Variants in ZNF566 observed in about 807,000 individuals in gnomAD.
The protein encoded by ZNF566 is zinc finger protein 566.
In ZNF566, 27 loss-of-function variants were observed where a neutral mutation model predicts 32.8. The observed-to-expected ratio is 0.82, with a 90% CI of 0.61 to 1.14. The LOEUF is 1.14. Among genes scored for constraint, ZNF566 ranks in the 50% most tolerant of loss-of-function variants. The probability of loss-of-function intolerance (pLI) is 0.00; values close to 1 mark genes in which losing one functional copy is unlikely to be tolerated. For synonymous variants in ZNF566, 154 were observed against 159.5 expected (o/e 0.97, Z 0.26); for missense variants, 402 against 490.4 (o/e 0.82, Z 1.70).
At chr19:36,473,564 G>A in intron 2 of ZNF566, 106 bp from the exon 3 acceptor site, 1 of 1,034,472 alleles carries the variant, frequency 9.7e-7, no homozygotes, top group Non-Finnish European at 1.4e-6. Context: ...AATATAGTGA[G>A]CATATGAATG....
chr19:36,473,445 A>T lies in ZNF566; in HGVS notation c.23T>A (p.Phe8Tyr), dbSNP rs2033814340. ...AGAGAAGTCTACGGACACATCACTG[A>T]ACATCACTGACTCCTGGAACAATAA... Reference protein sequence around the residue: MAQESVMFSDVSVDFSQE... With the variant: MAQESVMYSDVSVDFSQE... The change falls in exon 3 of 5, where the codon TTC becomes TAC. Residue 8 changes from phenylalanine to tyrosine, a missense_variant. Phe to Tyr is a conservative substitution (Grantham distance 22). Coordinates refer to ENST00000452939, the MANE Select transcript of ZNF566 (RefSeq NM_001145344.1). 2 of 1,603,890 alleles carry T rather than the reference A, an allele frequency of 1.2e-6. No individual in the cohort carries two copies.
intron 4 of ZNF566, among the ~76,000 whole-genome samples, chr19:36,453,366 A>G (rs1448299957): frequency 6.6e-6 from 1 of 151,054 alleles, no homozygotes; most frequent in East Asian, 2.0e-4. Context: ...CCGGCTACTC[A>G]GGAGGCTGAG....
chr19:36,449,419 C>A lies in ZNF566; in HGVS notation c.815G>T (p.Arg272Leu). ...KAFSSGSNFT[R>L]HQRIHTGEKP... is the part of the protein sequence containing the mutation. ...CTCACCTGTGTGAATTCTCTGATGT[C>A]GAGTGAAGTTTGAACCACTACTAAA... The change falls in exon 5 of 5, where the codon CGA becomes CTA. Residue 272 changes from arginine (R) to leucine (L), a missense_variant. By Grantham distance (102) the Arg-to-Leu change is moderately radical. Coordinates refer to ENST00000452939, the MANE Select transcript of ZNF566 (RefSeq NM_001145344.1). The A allele has an allele frequency of 6.2e-7, 1 of 1,613,892 alleles. No individual in the cohort carries two copies. The highest frequency in any genetic ancestry group is 8.5e-7 in the Non-Finnish European group (1 of 1,179,982).
intron 1 of ZNF566, among the ~76,000 whole-genome samples, chr19:36,487,736 C>T (rs959964612): frequency 2.0e-5 from 3 of 151,750 alleles, no homozygotes; most frequent in Non-Finnish European, 1.5e-5. Context: ...CCTGTCTCTA[C>T]TAAAAATACA....
chr19:36,457,383 T>C (rs1297706190), intron 4 of ZNF566, among the ~76,000 whole-genome samples: 1 of 152,146 alleles, frequency 6.6e-6, no homozygotes, highest in African/African-American at 2.4e-5. Flanking sequence ...GAAGAGACTA[T>C]CCACAGAGTG....
chr19:36,479,451 G>C (rs375693344), intron 1 of ZNF566, among the ~76,000 whole-genome samples: 112 of 152,246 alleles, frequency 7.4e-4, no homozygotes, highest in African/African-American at 2.3e-3. Flanking sequence ...TTGGAAAATT[G>C]TTTAAAATGT....
chr19:36,489,446 C>G lies in ZNF566; in HGVS notation c.-60+40G>C, dbSNP rs546826220. The G allele has an allele frequency of 1.0e-5, 3 of 301,222 alleles. No homozygotes were observed. In the East Asian group the frequency reaches 3.0e-4, roughly 30 times the overall value. The allele number at this position is 301,222 out of a possible 1,614,324, so 18.7% of individuals were successfully genotyped here. A position where few individuals can be genotyped will look rare whatever the true frequency, so the allele number is the denominator to read the frequency against. ...CCGCACAAAGCCGAGGCTTGGCCCC[C>G]GGCCCCGCCCTCTCCCGGGTTTCTC... On this transcript the variant is annotated intron_variant, in intron 1 of 4. Coordinates refer to ENST00000452939, the MANE Select transcript of ZNF566 (RefSeq NM_001145344.1).
At chr19:36,462,956 CAAAAAAAAAAAAAAAAAAAA>C (rs755283751) in intron 4 of ZNF566, among the ~76,000 whole-genome samples, 83 of 38,564 alleles carry the variant, frequency 2.2e-3, no homozygotes, top group Middle Eastern at 0.071. Context: ...GACTCTGTCT[CAAAAAAAAAAAAAAAAAAAA>C]AAAAAAAAAA....
chr19:36,467,888 T>C (rs188515660), intron 4 of ZNF566, among the ~76,000 whole-genome samples: 10 of 142,954 alleles, frequency 7.0e-5, no homozygotes, highest in Non-Finnish European at 1.5e-5. Flanking sequence ...CACTAATTGA[T>C]AAAAATCAAA....
intron 4 of ZNF566, among the ~76,000 whole-genome samples, chr19:36,455,604 A>T (rs779460564): frequency 1.1e-4 from 16 of 151,956 alleles, no homozygotes; most frequent in Admixed American, 6.6e-4. Context: ...TAGCCGGGCA[A>T]TGGTGGGCAC....
chr19:36,458,073 A>G lies in ZNF566; in HGVS notation c.233-8072T>C, dbSNP rs1317259371. On this transcript the variant is annotated intron_variant, in intron 4 of 4. Coordinates refer to ENST00000452939, the MANE Select transcript of ZNF566 (RefSeq NM_001145344.1). ...CATGGAGGTTTCTCAAAACTACCCT[A>G]TAACTCAGCAAGCTTACTTCTGGGT... Among the ~76,000 whole-genome samples the G allele has an allele frequency of 2.6e-5, 4 of 152,206 alleles. No individual in the cohort carries two copies. In the East Asian group the frequency reaches 5.8e-4, roughly 22 times the overall value.
At chr19:36,475,205 C>A in intron 2 of ZNF566, among the ~76,000 whole-genome samples, 1 of 152,230 alleles carries the variant, frequency 6.6e-6, no homozygotes, top group Non-Finnish European at 1.5e-5. Context: ...ACCAACATGC[C>A]TGGCTAATTT....
intron 4 of ZNF566, among the ~76,000 whole-genome samples, chr19:36,464,563 A>C (rs1437018352): frequency 6.6e-6 from 1 of 152,142 alleles, no homozygotes; most frequent in Non-Finnish European, 1.5e-5. Context: ...GGAAACATAA[A>C]AATTCTTGGG....
chr19:36,453,893 G>A (rs1290815841), intron 4 of ZNF566, among the ~76,000 whole-genome samples: 2 of 152,024 alleles, frequency 1.3e-5, no homozygotes, highest in South Asian at 2.1e-4. Context: ...GCACAATCTC[G>A]GTTTGCTGCA....
At chr19:36,485,271 CAA>C (rs748231707) in intron 1 of ZNF566, among the ~76,000 whole-genome samples, 2 of 81,942 alleles carry the variant, frequency 2.4e-5, no homozygotes. Flanking sequence ...GCTATCTCTA[CAA>C]AAAAAAAAAA....
chr19:36,459,525 T>A (rs997302735), intron 4 of ZNF566, among the ~76,000 whole-genome samples: 1 of 150,924 alleles, frequency 6.6e-6, no homozygotes, highest in African/African-American at 2.4e-5. Flanking sequence ...TTACTTTTTT[T>A]TTTTGAGACA....
At chr19:36,478,831 C>A (rs186317166) in intron 1 of ZNF566, among the ~76,000 whole-genome samples, 81 of 152,218 alleles carry the variant, frequency 5.3e-4, no homozygotes, top group Non-Finnish European at 1.0e-3. Flanking sequence ...GAGATAAGAG[C>A]ACGAACAGTA....
Position 36,476,631 on chromosome 19 carries a change from A to G in ZNF566, c.-59-15T>C. On this transcript the variant is annotated splice_polypyrimidine_tract_variant and intron_variant, in intron 1 of 4. Transcript: ENST00000452939. ...GAAGGGTAGAGCTGGGAGAGGCAAA[A>G]GAAGATAGATAAGACCCCACTTTCC... 1 of 1,603,638 alleles carries G rather than the reference A, an allele frequency of 6.2e-7. No homozygotes were observed. Among genetic ancestry groups the G allele is most frequent in the Non-Finnish European group, 8.5e-7 (1 of 1,175,728 alleles).
chr19:36,473,233 A>C, intron 3 of ZNF566, 99 bp downstream of exon 3: 3 of 1,447,250 alleles, frequency 2.1e-6, no homozygotes, highest in Non-Finnish European at 1.9e-6. Context: ...CAGGATATCA[A>C]AATTCGACTG....
Sources: allele counts gnomAD v4.1 joint callset (sites outside exome capture counted in the v4.1 genomes callset), GRCh38; gene constraint gnomAD v4.1.1; transcripts MANE v1.5; gene names NCBI Gene and HGNC (gene_info 2026-07-23, HGNC 2026-07-21).